The following JAZF1 variants were observed in gnomAD, a reference collection of about 807,000 sequenced individuals.
JAZF1 encodes the protein JAZF zinc finger 1, also known as juxtaposed with another zinc finger protein 1.
A neutral mutation model predicts 26.4 loss-of-function variants in JAZF1; 8 were observed. The observed-to-expected ratio is 0.30, with a 90% confidence interval of 0.18 to 0.55. The LOEUF is 0.55. JAZF1 is among the 20% of genes least tolerant of loss of function. The pLI, the probability that JAZF1 is intolerant of heterozygous loss-of-function variation, is 0.94. For synonymous variants in JAZF1, 126 were observed against 122.3 expected (o/e 1.03, Z -0.20); for missense variants, 199 against 322.0 (o/e 0.62, Z 2.92).
intron 2 of JAZF1, among the ~76,000 whole-genome samples, chr7:27,933,657 T>C (rs1254640729): frequency 1.3e-5 from 2 of 152,206 alleles, no homozygotes. Context: ...CTTGTGGATA[T>C]ACTGTATTTT....
At chr7:28,154,531 A>C (rs1248978100) in intron 1 of JAZF1, among the ~76,000 whole-genome samples, 1 of 152,184 alleles carries the variant, frequency 6.6e-6, no homozygotes, top group Non-Finnish European at 1.5e-5. Context: ...CCAACTAACT[A>C]ACCAAACCAC....
intron 1 of JAZF1, among the ~76,000 whole-genome samples, chr7:28,144,315 C>A (rs567813572): frequency 6.0e-4 from 91 of 152,336 alleles, no homozygotes; most frequent in African/African-American, 2.1e-3. Flanking sequence ...GAGTTGAAGG[C>A]ATGAGACCCA....
intron 2 of JAZF1, among the ~76,000 whole-genome samples, chr7:27,900,711 T>A (rs566086803): frequency 5.3e-5 from 8 of 152,374 alleles, no homozygotes; most frequent in African/African-American, 1.4e-4. Context: ...TCTTCTTTTT[T>A]AAAATTGTAA....
chr7:27,934,920 C>G (rs562546775), intron 2 of JAZF1, among the ~76,000 whole-genome samples: 2 of 152,262 alleles, frequency 1.3e-5, no homozygotes, highest in East Asian at 3.9e-4. Flanking sequence ...AGACAACCCA[C>G]AGAATAGGAG....
At chr7:27,916,553 A>G (rs1219425166) in intron 2 of JAZF1, among the ~76,000 whole-genome samples, 1 of 152,204 alleles carries the variant, frequency 6.6e-6, no homozygotes, top group Non-Finnish European at 1.5e-5. Flanking sequence ...CAACAGTACT[A>G]TGACTCATGC....
chr7:27,944,089 C>T (rs1246085612), intron 2 of JAZF1, among the ~76,000 whole-genome samples: 1 of 152,208 alleles, frequency 6.6e-6, no homozygotes, highest in African/African-American at 2.4e-5. Context: ...TACAGATGGG[C>T]TTAGCATGAA....
At chr7:28,080,781 A>C (rs1784123077) in intron 1 of JAZF1, among the ~76,000 whole-genome samples, 1 of 152,188 alleles carries the variant, frequency 6.6e-6, no homozygotes, top group Admixed American at 6.5e-5. Flanking sequence ...CACCAATTAC[A>C]ATAGTAAAGT....
chr7:27,844,773 A>C (rs529917111), intron 3 of JAZF1, among the ~76,000 whole-genome samples: 1 of 152,236 alleles, frequency 6.6e-6, no homozygotes, highest in South Asian at 2.1e-4. Context: ...ACTGCCCTGC[A>C]TGCCAGCTGG....
intron 1 of JAZF1, among the ~76,000 whole-genome samples, chr7:28,016,187 C>T (rs944472013): frequency 1.6e-4 from 24 of 152,114 alleles, no homozygotes; most frequent in Non-Finnish European, 3.4e-4. Flanking sequence ...AGGTAAAACC[C>T]ATGCCCCTCG....
chr7:28,038,926 C>T (rs1417393215), intron 1 of JAZF1, among the ~76,000 whole-genome samples: 1 of 152,184 alleles, frequency 6.6e-6, no homozygotes, highest in African/African-American at 2.4e-5. Context: ...CCTTTTATCT[C>T]TACCTCAAAT....
At chr7:28,179,800 C>G (rs1350674849) in intron 1 of JAZF1, among the ~76,000 whole-genome samples, 1 of 146,346 alleles carries the variant, frequency 6.8e-6, no homozygotes. Context: ...CCGCGGCCGC[C>G]GGCCCCGGCC....
intron 3 of JAZF1, among the ~76,000 whole-genome samples, chr7:27,857,692 T>A (rs1257658630): frequency 6.6e-6 from 1 of 152,188 alleles, no homozygotes; most frequent in African/African-American, 2.4e-5. Context: ...AAATTCAACA[T>A]CCATTCATGC....
At chr7:28,012,975 G>A (rs1782822739) in intron 1 of JAZF1, among the ~76,000 whole-genome samples, 1 of 152,080 alleles carries the variant, frequency 6.6e-6, no homozygotes, top group Admixed American at 6.5e-5. Flanking sequence ...CCTCCCATCT[G>A]CTCCTTTTAG....
intron 1 of JAZF1, among the ~76,000 whole-genome samples, chr7:28,072,291 A>G (rs182790678): frequency 1.3e-3 from 197 of 152,300 alleles, no homozygotes; most frequent in African/African-American, 4.7e-3. Context: ...TCTATAATCA[A>G]CTTCCCACAA....
chr7:28,124,934 G>A (rs1290426674), intron 1 of JAZF1, among the ~76,000 whole-genome samples: 1 of 152,126 alleles, frequency 6.6e-6, no homozygotes, highest in African/African-American at 2.4e-5. Context: ...CTTTATAAAA[G>A]CAGGGTCTAT....
intron 1 of JAZF1, among the ~76,000 whole-genome samples, chr7:28,149,662 A>G (rs1783077897): frequency 6.6e-6 from 1 of 152,232 alleles, no homozygotes; most frequent in Non-Finnish European, 1.5e-5. Context: ...TTCCCACACA[A>G]GCACACATTG....
intron 3 of JAZF1, among the ~76,000 whole-genome samples, chr7:27,873,531 C>T (rs1480444085): frequency 6.6e-6 from 1 of 152,300 alleles, no homozygotes; most frequent in East Asian, 1.9e-4. Context: ...AAATACACAA[C>T]ACTCAGCCCA....
At chr7:27,914,133 C>CT (rs1562527687) in intron 2 of JAZF1, among the ~76,000 whole-genome samples, 2 of 152,136 alleles carry the variant, frequency 1.3e-5, no homozygotes, top group African/African-American at 4.8e-5. Flanking sequence ...TATCTGTTTG[C>CT]TATGTGGGTT....
chr7:28,080,950 A>G lies in JAZF1; in HGVS notation c.116-88969T>C, dbSNP rs532497468. Among the ~76,000 whole-genome samples the G allele has an allele frequency of 2.0e-5, 3 of 152,266 alleles. No individual in the cohort carries two copies. The East Asian group carries it at 5.8e-4, about 29-fold the overall frequency. ...AATTTGTAAAAAAAAACAAAAAAAA[A>G]AATGCACTGTCTGCCAAGTGTGGTA... On this transcript the variant is annotated intron_variant, in intron 1 of 4. Transcript: ENST00000283928.
Sources: allele counts gnomAD v4.1 joint callset (sites outside exome capture counted in the v4.1 genomes callset), GRCh38; gene constraint gnomAD v4.1.1; transcripts MANE v1.5; gene names NCBI Gene and HGNC (gene_info 2026-07-23, HGNC 2026-07-21).